Variants in SLC12A6 observed in about 807,000 individuals in gnomAD.
SLC12A6 encodes solute carrier family 12 member 6.
In SLC12A6, 66 loss-of-function variants were observed where a neutral mutation model predicts 135.3. That is an observed-to-expected ratio of 0.49 (90% CI 0.40 to 0.60). The LOEUF (loss-of-function observed/expected upper bound fraction) is 0.60. SLC12A6 is among the 20% of genes least tolerant of loss of function. SLC12A6 has a pLI of 0.00. For missense variants in SLC12A6, 1,058 were observed against 1,452.3 expected (o/e 0.73, Z 4.41); for synonymous variants, 513 against 508.8 (o/e 1.01, Z -0.11).
intron 2 of SLC12A6, among the ~76,000 whole-genome samples, chr15:34,333,232 CTTTTTT>C (rs572611561): frequency 2.2e-5 from 3 of 133,484 alleles, no homozygotes; most frequent in Admixed American, 1.5e-4. Flanking sequence ...TTTTCTTTTT[CTTTTTT>C]TTTTTTTTTG....
chr15:34,264,875 C>A (rs1893389453), intron 3 of SLC12A6, among the ~76,000 whole-genome samples: 1 of 152,144 alleles, frequency 6.6e-6, no homozygotes, highest in Non-Finnish European at 1.5e-5. Context: ...TTCTTTTCCT[C>A]TTCTTAATGG....
chr15:34,237,779 CAAAAG>C (rs1027733479), intron 21 of SLC12A6, among the ~76,000 whole-genome samples: 39 of 152,126 alleles, frequency 2.6e-4, no homozygotes, highest in African/African-American at 9.2e-4. Context: ...AAAACACTGG[CAAAAG>C]AAAAGATGGT....
At chr15:34,320,603 A>ATT (rs10543386) in intron 2 of SLC12A6, among the ~76,000 whole-genome samples, 127 of 144,994 alleles carry the variant, frequency 8.8e-4, no homozygotes, top group South Asian at 6.3e-3. Context: ...GGAATAAACA[A>ATT]TTTTTTTTTT....
intron 13 of SLC12A6, 88 bp from the exon 14 acceptor site, chr15:34,245,955 C>T: frequency 3.1e-6 from 3 of 970,976 alleles, no homozygotes; most frequent in Non-Finnish European, 4.9e-6. Context: ...TTTTTTGAGA[C>T]AGAATCTCAC....
intron 4 of SLC12A6, among the ~76,000 whole-genome samples, chr15:34,260,319 C>A (rs1893028303): frequency 6.6e-6 from 1 of 152,186 alleles, no homozygotes; most frequent in Non-Finnish European, 1.5e-5. Context: ...AGTGCAGTGG[C>A]ACAATCTTGG....
chr15:34,235,340 T>C (rs1393948697), intron 24 of SLC12A6, 26 bp from the exon 25 acceptor site: 2 of 1,608,922 alleles, frequency 1.2e-6, no homozygotes, highest in Non-Finnish European at 8.5e-7. Flanking sequence ...ATAAAGGTTG[T>C]TAAGGTAAAA....
At chr15:34,303,324 T>C (rs1896385833) in intron 2 of SLC12A6, among the ~76,000 whole-genome samples, 1 of 152,230 alleles carries the variant, frequency 6.6e-6, no homozygotes, top group African/African-American at 2.4e-5. Flanking sequence ...ACTATTATTA[T>C]ATATACTGTA....
chr15:34,275,213 G>GA (rs1185766582), intron 3 of SLC12A6, 132 bp downstream of exon 3: 4 of 580,316 alleles, frequency 6.9e-6, no homozygotes, highest in Non-Finnish European at 1.3e-5. Context: ...GAAACAGCAG[G>GA]AAAAAAGTTG....
intron 2 of SLC12A6, among the ~76,000 whole-genome samples, chr15:34,278,276 A>C (rs1595484413): frequency 6.6e-6 from 1 of 151,982 alleles, no homozygotes; most frequent in Non-Finnish European, 1.5e-5. Flanking sequence ...AAAATAAAAA[A>C]ATCAGCTGGG....
chr15:34,235,365 A>C (rs776229241), intron 24 of SLC12A6, 51 bp from the exon 25 acceptor site: 2 of 1,526,750 alleles, frequency 1.3e-6, no homozygotes, highest in Non-Finnish European at 1.8e-6. Flanking sequence ...AACTAGCCAT[A>C]AAGTCAACGT....
At chr15:34,297,408 T>C (rs1895947608) in intron 2 of SLC12A6, among the ~76,000 whole-genome samples, 1 of 152,236 alleles carries the variant, frequency 6.6e-6, no homozygotes, top group Non-Finnish European at 1.5e-5. Context: ...AAAGACTGAA[T>C]TTAGGGAAAA....
intron 24 of SLC12A6, 116 bp from the exon 25 acceptor site, chr15:34,235,430 G>GCTTTTTTTT (rs1340964496): frequency 1.9e-6 from 1 of 539,148 alleles, no homozygotes; most frequent in Admixed American, 3.3e-5. Flanking sequence ...CTGATAAAAT[G>GCTTTTTTTT]ATTTTTTTTT....
chr15:34,332,666 C>T (rs1356750706), intron 2 of SLC12A6, among the ~76,000 whole-genome samples: 1 of 151,856 alleles, frequency 6.6e-6, no homozygotes, highest in Non-Finnish European at 1.5e-5. Flanking sequence ...GCCTGTAATC[C>T]CAGCTACTTG....
At chr15:34,325,883 G>A (rs954100593) in intron 2 of SLC12A6, among the ~76,000 whole-genome samples, 18 of 152,088 alleles carry the variant, frequency 1.2e-4, no homozygotes, top group Non-Finnish European at 2.6e-4. Context: ...AGACTCAAAG[G>A]CAATACAAAA....
chr15:34,263,218 G>A, intron 3 of SLC12A6, among the ~76,000 whole-genome samples: 1 of 151,970 alleles, frequency 6.6e-6, no homozygotes, highest in Non-Finnish European at 1.5e-5. Context: ...CAGGAGTTCT[G>A]GACCAGCCTG....
rs199648925 is a variant in SLC12A6 at position 34,314,049 on chromosome 15, A to ATTT, written c.271+22358_271+22360dup. Among the ~76,000 whole-genome samples, 1,102 of 140,490 alleles carry ATTT rather than the reference A, an allele frequency of 7.8e-3. 10 individuals carry two copies. Among genetic ancestry groups the ATTT allele is most frequent in the Non-Finnish European group, 0.013 (844 of 65,098 alleles). 92.2% of individuals were successfully genotyped at this position (140,490 alleles called of 152,430 possible). ...AATCTGTTTACAGCATGGTTTATTG[A>ATTT]TTTTTTTTTTTTTTTTGAGACGTAG... On this transcript the variant is annotated intron_variant, in intron 2 of 25. Transcript: ENST00000354181.
At chr15:34,297,493 T>G (rs916581472) in intron 2 of SLC12A6, among the ~76,000 whole-genome samples, 6 of 152,160 alleles carry the variant, frequency 3.9e-5, no homozygotes, top group Non-Finnish European at 7.3e-5. Context: ...ATAAAGAAAC[T>G]AGCTCAGAGA....
Position 34,254,463 on chromosome 15 carries a change from T to C in SLC12A6, c.1003A>G (p.Ile335Val). 6.2e-7 allele frequency: 1 copy of C among 1,614,000 alleles called. No individual in the cohort carries two copies. Among genetic ancestry groups the C allele is most frequent in the South Asian group, 1.1e-5 (1 of 91,082 alleles). ...FLVLMVLVVF[I>V]GVRYVNKFAS... The stretch of plus-strand genomic sequence containing the variant: ...AACTTGTTCACATAGCGTACGCCGA[T>C]AAATACCACTAATACCATAAGGACC... Residue 335 changes from isoleucine (I) to valine (V), a missense_variant, in exon 9 of 26, where the codon ATC becomes GTC. Ile to Val is a conservative substitution (Grantham distance 29, BLOSUM62 3). Coordinates refer to ENST00000354181, the MANE Select transcript of SLC12A6 (RefSeq NM_001365088.1).
intron 2 of SLC12A6, among the ~76,000 whole-genome samples, chr15:34,279,060 T>C (rs1462131464): frequency 6.6e-6 from 1 of 151,850 alleles, no homozygotes; most frequent in African/African-American, 2.4e-5. Flanking sequence ...CTCACACCTG[T>C]AATCCCAGCA....
Sources: gnomAD v4.1 joint callset for allele counts (sites outside exome capture counted in the v4.1 genomes callset) on GRCh38, gnomAD v4.1.1 for gene constraint, MANE v1.5 for transcripts, NCBI Gene and HGNC (gene_info 2026-07-23, HGNC 2026-07-21) for gene names.